The following MXI1 variants were observed in gnomAD, a reference collection of about 807,000 sequenced individuals.
The protein encoded by MXI1 is max-interacting protein 1.
MXI1 carries 18 observed loss-of-function variants against 36.9 expected under a neutral mutation model. The ratio of observed to expected loss-of-function variants is 0.49; its 90% CI spans 0.34 to 0.72. MXI1 has a LOEUF of 0.72. MXI1 is among the 30% of genes least tolerant of loss of function. MXI1 has a pLI of 0.01. For synonymous variants in MXI1, 160 were observed against 146.7 expected (o/e 1.09, Z -0.65); for missense variants, 304 against 379.1 (o/e 0.80, Z 1.64).
At chr10:110,283,779 A>AT (rs60831569) in intron 5 of MXI1, among the ~76,000 whole-genome samples, 6,096 of 147,324 alleles carry the variant, frequency 0.041, 391 homozygotes, top group East Asian at 0.29. Flanking sequence ...AACAATTAAG[A>AT]TTTTTTTTTT....
At chr10:110,272,417 A>G (rs1856884116) in intron 3 of MXI1, among the ~76,000 whole-genome samples, 2 of 152,338 alleles carry the variant, frequency 1.3e-5, no homozygotes, top group South Asian at 2.1e-4. Context: ...GTTTGTTTTT[A>G]TATAAAATAT....
intron 1 of MXI1, chr10:110,227,672 A>T (rs1380567907): frequency 1.9e-6 from 1 of 529,458 alleles, no homozygotes; most frequent in African/African-American, 2.1e-5. Context: ...GGGTGATGAG[A>T]TGGGGTCCCT....
chr10:110,234,143 C>T (rs1217593317), intron 2 of MXI1, among the ~76,000 whole-genome samples: 1 of 152,164 alleles, frequency 6.6e-6, no homozygotes, highest in Non-Finnish European at 1.5e-5. Context: ...GCAATATATG[C>T]ATCATTGTTA....
intron 2 of MXI1, among the ~76,000 whole-genome samples, chr10:110,239,662 T>G (rs1855598423): frequency 6.6e-6 from 1 of 152,158 alleles, no homozygotes; most frequent in South Asian, 2.1e-4. Flanking sequence ...CACATTTGTT[T>G]GAGATGTAGT....
intron 2 of MXI1, among the ~76,000 whole-genome samples, chr10:110,233,502 A>T (rs1855345549): frequency 1.3e-5 from 2 of 151,654 alleles, no homozygotes; most frequent in Non-Finnish European, 2.9e-5. Context: ...TTTTTGTGTA[A>T]TTTTTTTCTA....
At chr10:110,260,424 TG>T in intron 3 of MXI1, among the ~76,000 whole-genome samples, 1 of 61,802 alleles carries the variant, frequency 1.6e-5, no homozygotes, top group Admixed American at 1.4e-4. Flanking sequence ...CAGGTGTGTG[TG>T]TGTGTGTGTG....
chr10:110,280,183 G>A, intron 5 of MXI1, 98 bp downstream of exon 5: 1 of 1,001,936 alleles, frequency 1.0e-6, no homozygotes, highest in Non-Finnish European at 1.4e-6. Flanking sequence ...TTTCTTTCTA[G>A]CCAACAGAGT....
chr10:110,219,295 G>A (rs915007258), intron 1 of MXI1, among the ~76,000 whole-genome samples: 10 of 152,170 alleles, frequency 6.6e-5, no homozygotes, highest in Admixed American at 2.6e-4. Flanking sequence ...GTGAGACTCC[G>A]TGTCAAAAAA....
chr10:110,217,901 G>A (rs959091567), intron 1 of MXI1, among the ~76,000 whole-genome samples: 1 of 152,114 alleles, frequency 6.6e-6, no homozygotes, highest in African/African-American at 2.4e-5. Flanking sequence ...TCCTAGTATT[G>A]AGCATTTACT....
intron 2 of MXI1, among the ~76,000 whole-genome samples, chr10:110,234,525 TACTCA>T (rs1189693523): frequency 2.0e-5 from 3 of 152,146 alleles, no homozygotes; most frequent in Non-Finnish European, 4.4e-5. Flanking sequence ...ATTATTAATA[TACTCA>T]GCTCCTCCCC....
At chr10:110,280,552 C>A (rs1303792177) in intron 5 of MXI1, among the ~76,000 whole-genome samples, 1 of 151,658 alleles carries the variant, frequency 6.6e-6, no homozygotes, top group Non-Finnish European at 1.5e-5. Context: ...TGGTGGCAGG[C>A]GCCTGTAGTC....
intron 2 of MXI1, among the ~76,000 whole-genome samples, chr10:110,228,686 G>A (rs1437019783): frequency 6.6e-6 from 1 of 152,036 alleles, no homozygotes; most frequent in Non-Finnish European, 1.5e-5. Flanking sequence ...ATCAGAAATA[G>A]GTCTGGCAGG....
At chr10:110,248,517 CAT>C (rs888595065) in intron 3 of MXI1, among the ~76,000 whole-genome samples, 4 of 152,088 alleles carry the variant, frequency 2.6e-5, no homozygotes, top group African/African-American at 7.2e-5. Context: ...AGGTATAACA[CAT>C]GTGGTTTTAT....
At chr10:110,271,585 A>G (rs190353389) in intron 3 of MXI1, among the ~76,000 whole-genome samples, 2 of 152,320 alleles carry the variant, frequency 1.3e-5, no homozygotes, top group Admixed American at 1.3e-4. Flanking sequence ...TTTGGAGAGA[A>G]TGCATTCCAG....
chr10:110,250,862 A>G (rs919773841), intron 3 of MXI1, among the ~76,000 whole-genome samples: 2 of 150,926 alleles, frequency 1.3e-5, no homozygotes, highest in African/African-American at 4.9e-5. Flanking sequence ...CAACTTTAAC[A>G]GGACTCTGAT....
intron 1 of MXI1, among the ~76,000 whole-genome samples, chr10:110,219,635 C>G (rs545739280): frequency 6.6e-6 from 1 of 152,340 alleles, no homozygotes; most frequent in East Asian, 1.9e-4. Flanking sequence ...GCCACCTAAC[C>G]TTATCCCATT....
intron 1 of MXI1, chr10:110,226,319 T>C: frequency 6.8e-7 from 1 of 1,460,216 alleles, no homozygotes; most frequent in Non-Finnish European, 9.0e-7. Flanking sequence ...GCCCGAGCGC[T>C]ACTAATCTTT....
chr10:110,227,456 G>C (rs1855090046), intron 1 of MXI1: 1 of 988,678 alleles, frequency 1.0e-6, no homozygotes, highest in Non-Finnish European at 1.2e-6. Context: ...GGAAGGAGAC[G>C]GGTGGAGGGA....
At chr10:110,216,177 C>G (rs1340620996) in intron 1 of MXI1, among the ~76,000 whole-genome samples, 2 of 152,158 alleles carry the variant, frequency 1.3e-5, no homozygotes, top group South Asian at 4.1e-4. Context: ...TCAGGTGACC[C>G]TTGGTTTGAG....
Sources: gnomAD v4.1 joint callset for allele counts (sites outside exome capture counted in the v4.1 genomes callset) on GRCh38, gnomAD v4.1.1 for gene constraint, MANE v1.5 for transcripts, NCBI Gene and HGNC (gene_info 2026-07-23, HGNC 2026-07-21) for gene names.